BMPR1B: variants seen among roughly 807,000 people sequenced by gnomAD.
BMPR1B encodes bone morphogenetic protein receptor type-1B.
A neutral mutation model predicts 59.1 loss-of-function variants in BMPR1B; 12 were observed. The observed-to-expected ratio is 0.20, with a 90% CI of 0.13 to 0.33. The LOEUF is 0.33. Among genes scored for constraint, BMPR1B ranks in the 10% least tolerant of loss-of-function variants. BMPR1B has a pLI of 1.00. For synonymous variants in BMPR1B, 237 were observed against 207.3 expected, an observed-to-expected ratio of 1.14 and a Z score of -1.23; for missense variants, 550 against 610.9, an observed-to-expected ratio of 0.90 and a Z score of 1.05.
rs76896509 is a variant in BMPR1B at position 95,014,235 on chromosome 4, A to G, written c.-18+18101A>G. On this transcript the variant is annotated intron_variant, in intron 3 of 12. Transcript: ENST00000515059. ...CAACTGTAAAATCTTTTCTAATTCT[A>G]AATTCTGCCGTTAATATAAATATTT... Among the ~76,000 whole-genome samples the G allele has an allele frequency of 5.3e-5, 8 of 152,332 alleles. No individual in the cohort carries two copies. In the East Asian group the frequency reaches 1.5e-3, roughly 29 times the overall value.
chr4:94,857,332 A>G (rs1725799621), intron 1 of BMPR1B, among the ~76,000 whole-genome samples: 1 of 152,236 alleles, frequency 6.6e-6, no homozygotes, highest in African/African-American at 2.4e-5. Context: ...GCTATGTGAA[A>G]TATGTAGCCG....
intron 1 of BMPR1B, among the ~76,000 whole-genome samples, chr4:94,847,243 C>T (rs763703378): frequency 4.6e-5 from 7 of 152,152 alleles, no homozygotes; most frequent in Non-Finnish European, 1.0e-4. Flanking sequence ...GATATAATCT[C>T]ACTCCAGTTA....
chr4:94,795,783 G>T (rs113464669), intron 1 of BMPR1B, among the ~76,000 whole-genome samples: 92 of 152,122 alleles, frequency 6.0e-4, no homozygotes, highest in African/African-American at 2.1e-3. Context: ...TTTAAAAGAA[G>T]TAAATACAAT....
At chr4:95,050,131 A>C (rs754590734) in intron 3 of BMPR1B, among the ~76,000 whole-genome samples, 2 of 152,176 alleles carry the variant, frequency 1.3e-5, no homozygotes, top group Non-Finnish European at 2.9e-5. Context: ...TTTAAAAAGC[A>C]GATTCTATTG....
In BMPR1B at chr4:95,114,889, A is replaced by G. The variant is rs979330446; in HGVS notation, c.246+67A>G. 5 of 1,453,844 alleles carry G rather than the reference A, an allele frequency of 3.4e-6. No homozygotes were observed. The Admixed American group carries it at 5.0e-5, about 15-fold the overall frequency. The allele number at this position is 1,453,844 out of a possible 1,614,324, so 90.1% of individuals were successfully genotyped here. A position where few individuals can be genotyped will look rare whatever the true frequency, so the allele number is the denominator to read the frequency against. On this transcript the variant is annotated intron_variant, in intron 5 of 12. Coordinates refer to ENST00000515059, the MANE Select transcript of BMPR1B (RefSeq NM_001203.3). ...ATTTCCAACAAGTTTCAAGCAAGAT[A>G]AAACCATTCTTTTTCTTGGCCAGCC...
In BMPR1B at chr4:94,792,852, A is replaced by G. The variant is rs147401537; in HGVS notation, c.-183+34784A>G. On this transcript the variant is annotated intron_variant, in intron 1 of 12. Coordinates refer to ENST00000515059, the MANE Select transcript of BMPR1B (RefSeq NM_001203.3). Reference sequence around the variant, plus strand: ...TTCACCAAACACCCTTAGATATACAAAAGTTACCTGAAAAATTTCCAAAGC... The same window carrying G: ...TTCACCAAACACCCTTAGATATACAGAAGTTACCTGAAAAATTTCCAAAGC... 3.3e-3 allele frequency among the ~76,000 whole-genome samples: 497 copies of G among 152,286 alleles called. 2 individuals carry two copies. Among genetic ancestry groups the G allele is most frequent in the African/African-American group, 0.011 (468 of 41,562 alleles).
intron 2 of BMPR1B, among the ~76,000 whole-genome samples, chr4:94,936,112 A>G (rs1029365848): frequency 1.3e-5 from 2 of 152,190 alleles, no homozygotes; most frequent in Non-Finnish European, 2.9e-5. Context: ...ATTTTGTGCT[A>G]CAAATAGCAG....
chr4:95,141,425 G>T (rs1216910773), intron 10 of BMPR1B, among the ~76,000 whole-genome samples: 1 of 152,164 alleles, frequency 6.6e-6, no homozygotes, highest in African/African-American at 2.4e-5. Flanking sequence ...AGGCTTTTCA[G>T]TCATTTCTGA....
intron 3 of BMPR1B, among the ~76,000 whole-genome samples, chr4:95,077,898 C>T (rs1468575179): frequency 6.6e-6 from 1 of 152,072 alleles, no homozygotes; most frequent in Admixed American, 6.6e-5. Flanking sequence ...TTGGGAATAG[C>T]TTATAAAGTG....
At chr4:95,009,396 T>G (rs756171457) in intron 3 of BMPR1B, among the ~76,000 whole-genome samples, 1 of 152,030 alleles carries the variant, frequency 6.6e-6, no homozygotes, top group Non-Finnish European at 1.5e-5. Flanking sequence ...AGAGAACAGA[T>G]CTGATAAGTT....
At chr4:95,024,008 C>A (rs1475488182) in intron 3 of BMPR1B, among the ~76,000 whole-genome samples, 1 of 152,090 alleles carries the variant, frequency 6.6e-6, no homozygotes, top group Non-Finnish European at 1.5e-5. Context: ...ATCCTGTGAT[C>A]CTTAGTTCAA....
chr4:94,853,238 A>G (rs1429984426), intron 1 of BMPR1B, among the ~76,000 whole-genome samples: 3 of 152,178 alleles, frequency 2.0e-5, no homozygotes, highest in African/African-American at 7.2e-5. Context: ...AAAAATGAAA[A>G]GTTTCTTTGG....
chr4:94,812,505 C>T (rs544542682), intron 1 of BMPR1B, among the ~76,000 whole-genome samples: 8 of 152,254 alleles, frequency 5.3e-5, no homozygotes, highest in Middle Eastern at 3.4e-3. Flanking sequence ...ATCAGACTAG[C>T]GTGACAGACC....
chr4:94,930,342 C>T (rs544675701), intron 2 of BMPR1B, among the ~76,000 whole-genome samples: 1 of 152,180 alleles, frequency 6.6e-6, no homozygotes, highest in African/African-American at 2.4e-5. Flanking sequence ...GTCTTCAGAA[C>T]CTAGCTGAAG....
intron 2 of BMPR1B, among the ~76,000 whole-genome samples, chr4:94,978,391 C>A (rs746509006): frequency 6.6e-5 from 10 of 152,202 alleles, no homozygotes; most frequent in Admixed American, 2.6e-4. Flanking sequence ...GCTGAATCAG[C>A]TAGGTGCTGT....
intron 10 of BMPR1B, among the ~76,000 whole-genome samples, chr4:95,143,106 G>A (rs530186183): frequency 6.6e-6 from 1 of 152,198 alleles, no homozygotes; most frequent in Non-Finnish European, 1.5e-5. Context: ...TCCACTTTCA[G>A]CCTTTCTGCA....
intron 1 of BMPR1B, among the ~76,000 whole-genome samples, chr4:94,810,508 G>C (rs1723772126): frequency 6.6e-6 from 1 of 152,174 alleles, no homozygotes; most frequent in South Asian, 2.1e-4. Context: ...AGTAACTTGT[G>C]TTGTTGCCCA....
intron 2 of BMPR1B, among the ~76,000 whole-genome samples, chr4:94,977,789 G>A (rs1037964567): frequency 3.9e-5 from 6 of 152,120 alleles, no homozygotes; most frequent in Admixed American, 2.0e-4. Context: ...CCCAGGTGGC[G>A]GAGGTTGTGG....
chr4:95,114,840 AT>A lies in BMPR1B; in HGVS notation c.246+20del. ...AGTGTCGGGTAAGGTAGATAACTTG[AT>A]TCTGTAACCTTTCATTGGCTAGATT... On this transcript the variant is annotated intron_variant, in intron 5 of 12. Transcript: ENST00000515059. The A allele has an allele frequency of 6.4e-7, 1 of 1,572,186 alleles. No homozygotes were observed. Among genetic ancestry groups the A allele is most frequent in the South Asian group, 1.1e-5 (1 of 90,198 alleles).
Sources: allele counts gnomAD v4.1 joint callset (sites outside exome capture counted in the v4.1 genomes callset), GRCh38; gene constraint gnomAD v4.1.1; transcripts MANE v1.5; gene names NCBI Gene and HGNC (gene_info 2026-07-23, HGNC 2026-07-21).